The following PRIMA1 variants were observed in gnomAD, a reference collection of about 807,000 sequenced individuals.
PRIMA1 encodes the protein proline-rich membrane anchor 1.
A neutral mutation model predicts 17.5 loss-of-function variants in PRIMA1; 7 were observed. That is an observed-to-expected ratio of 0.40 (90% CI 0.23 to 0.75). The LOEUF (loss-of-function observed/expected upper bound fraction) is 0.75. Among genes scored for constraint, PRIMA1 ranks in the 30% least tolerant of loss-of-function variants. The pLI is 0.37. For missense variants in PRIMA1, 200 were observed against 201.8 expected, an observed-to-expected ratio of 0.99 and a Z score of 0.05; for synonymous variants, 97 against 77.9, an observed-to-expected ratio of 1.25 and a Z score of -1.29.
intron 3 of PRIMA1, among the ~76,000 whole-genome samples, chr14:93,773,173 C>A (rs978853404): frequency 6.6e-6 from 1 of 152,188 alleles, no homozygotes; most frequent in Admixed American, 6.5e-5. Flanking sequence ...ATAATACCAC[C>A]TTTTGAGCAC....
intron 3 of PRIMA1, among the ~76,000 whole-genome samples, chr14:93,775,863 G>C (rs1441064432): frequency 1.3e-5 from 2 of 152,158 alleles, no homozygotes; most frequent in Non-Finnish European, 2.9e-5. Context: ...CTCTCCCTGA[G>C]CCTCTATCCA....
intron 4 of PRIMA1, chr14:93,725,705 C>G (rs1009755137): frequency 3.0e-6 from 1 of 330,066 alleles, no homozygotes; most frequent in Non-Finnish European, 6.0e-6. Flanking sequence ...CTTAGACAAG[C>G]GTCTGGCATA....
rs1456937959 is a variant in PRIMA1 at position 93,726,615 on chromosome 14, TACACATAG to T, written c.360-5077_360-5070del. Among the ~76,000 whole-genome samples the T allele has an allele frequency of 1.3e-5, 2 of 151,682 alleles. No homozygotes were observed. The highest frequency in any genetic ancestry group is 4.9e-5 in the African/African-American group (2 of 41,226). ...TACGCAAACACACACATATATAATA[TACACATAG>T]ACACATGTACACATGCACAAATCCA... On this transcript the variant is annotated intron_variant, in intron 4 of 4. Coordinates refer to ENST00000393140, the MANE Select transcript of PRIMA1 (RefSeq NM_178013.4). This position sits in a 1 kb window ranked among gnomAD's most constrained non-coding sequence, Gnocchi z 4.2.
chr14:93,725,759 G>C, intron 4 of PRIMA1: 1 of 357,142 alleles, frequency 2.8e-6, no homozygotes, highest in Non-Finnish European at 5.5e-6. Context: ...AGTACTGCTG[G>C]GGAAAAGGTG....
At chr14:93,764,804 G>A (rs1461685862) in intron 3 of PRIMA1, among the ~76,000 whole-genome samples, 7 of 152,130 alleles carry the variant, frequency 4.6e-5, no homozygotes, top group South Asian at 2.1e-4. Context: ...CAGTCACAGC[G>A]GAAAAAGGTA....
At chr14:93,764,204 C>T (rs1884819634) in intron 3 of PRIMA1, among the ~76,000 whole-genome samples, 1 of 152,006 alleles carries the variant, frequency 6.6e-6, no homozygotes, top group Non-Finnish European at 1.5e-5. Context: ...CCCTCTGGCT[C>T]ATCTCTCAGA....
chr14:93,728,706 G>T (rs2076095271), intron 4 of PRIMA1, among the ~76,000 whole-genome samples: 1 of 152,194 alleles, frequency 6.6e-6, no homozygotes, highest in African/African-American at 2.4e-5. Context: ...GCCCCAAGAA[G>T]CAGGGATCCG....
chr14:93,721,397 G>T lies in PRIMA1; in HGVS notation c.*47C>A. ...TCCACCTGCTTTCCCATGTCCACCA[G>T]TGCCACCAAGGTGTCCCTCTGGCCA... On this transcript the variant is annotated 3_prime_UTR_variant, in exon 5 of 5. Transcript: ENST00000393140. 7.8e-7 allele frequency: 1 copy of T among 1,274,786 alleles called. No homozygotes were observed. The highest frequency in any genetic ancestry group is 1.1e-6 in the Non-Finnish European group (1 of 875,440). 79.0% of individuals were successfully genotyped at this position (1,274,786 alleles called of 1,614,324 possible). A position where few individuals can be genotyped will look rare whatever the true frequency, so the allele number is the denominator to read the frequency against.
intron 3 of PRIMA1, among the ~76,000 whole-genome samples, chr14:93,743,321 T>G (rs1421367731): frequency 6.6e-6 from 1 of 152,206 alleles, no homozygotes; most frequent in Non-Finnish European, 1.5e-5. Context: ...CTCCTAACTT[T>G]CCAAGTCTTT....
chr14:93,775,205 C>G (rs577479072), intron 3 of PRIMA1, among the ~76,000 whole-genome samples: 3 of 152,238 alleles, frequency 2.0e-5, no homozygotes, highest in Non-Finnish European at 4.4e-5. Context: ...CAAGGACTGG[C>G]ACATGCCTTG....
chr14:93,723,519 A>G (rs904865032), intron 4 of PRIMA1, among the ~76,000 whole-genome samples: 3 of 152,222 alleles, frequency 2.0e-5, no homozygotes, highest in Non-Finnish European at 4.4e-5. Context: ...TCAGTCTGGT[A>G]GCAAACTGTT....
intron 3 of PRIMA1, among the ~76,000 whole-genome samples, chr14:93,752,072 C>T (rs1428980146): frequency 2.0e-5 from 3 of 152,160 alleles, no homozygotes; most frequent in Admixed American, 6.5e-5. Flanking sequence ...GTGGGATGCT[C>T]GCTTCTCTTT....
intron 3 of PRIMA1, among the ~76,000 whole-genome samples, chr14:93,777,430 G>A (rs755994717): frequency 5.3e-5 from 8 of 152,108 alleles, no homozygotes; most frequent in Non-Finnish European, 1.0e-4. Flanking sequence ...TCCGCCTCCC[G>A]GGTTCAAGCA....
intron 4 of PRIMA1, among the ~76,000 whole-genome samples, chr14:93,733,379 T>C (rs2076127950): frequency 6.6e-6 from 1 of 152,180 alleles, no homozygotes; most frequent in African/African-American, 2.4e-5. Context: ...AGACTCTTCC[T>C]CCTGCCAAGG....
chr14:93,762,905 C>T (rs1467297031), intron 3 of PRIMA1, among the ~76,000 whole-genome samples: 1 of 152,216 alleles, frequency 6.6e-6, no homozygotes, highest in Non-Finnish European at 1.5e-5. Flanking sequence ...TGGCTGTTCT[C>T]TCTGCTGGGA....
At chr14:93,784,833 A>C (rs1885476567) in intron 2 of PRIMA1, among the ~76,000 whole-genome samples, 1 of 152,182 alleles carries the variant, frequency 6.6e-6, no homozygotes, top group African/African-American at 2.4e-5. Context: ...TTAGCTCTAC[A>C]TTGCCAAACT....
At chr14:93,742,818 C>T (rs2076192663) in intron 3 of PRIMA1, among the ~76,000 whole-genome samples, 1 of 152,184 alleles carries the variant, frequency 6.6e-6, no homozygotes, top group Admixed American at 6.5e-5. Context: ...TGGCGCATAG[C>T]TCAGTTATAT....
chr14:93,751,443 G>A (rs1207744649), intron 3 of PRIMA1, among the ~76,000 whole-genome samples: 1 of 152,180 alleles, frequency 6.6e-6, no homozygotes, highest in Admixed American at 6.5e-5. Context: ...AAATTCTTGC[G>A]TTAGGGTCTG....
intron 3 of PRIMA1, among the ~76,000 whole-genome samples, chr14:93,768,857 G>A (rs1009968922): frequency 4.7e-5 from 7 of 148,038 alleles, no homozygotes; most frequent in African/African-American, 1.7e-4. Flanking sequence ...CCAGGCTGGA[G>A]TGCAGTGGTG....
Sources: gnomAD v4.1 joint callset for allele counts (sites outside exome capture counted in the v4.1 genomes callset) on GRCh38, gnomAD v4.1.1 for gene constraint, Gnocchi (gnomAD v3.1) non-coding constraint, MANE v1.5 for transcripts, NCBI Gene and HGNC (gene_info 2026-07-23, HGNC 2026-07-21) for gene names.